MMADHC: variants seen among roughly 807,000 people sequenced by gnomAD.
MMADHC encodes metabolism of cobalamin associated D.
MMADHC carries 23 observed loss-of-function variants against 36.3 expected under a neutral mutation model. The ratio of observed to expected loss-of-function variants is 0.63; its 90% CI spans 0.46 to 0.90. MMADHC has a LOEUF of 0.90. Among genes scored for constraint, MMADHC ranks in the 40% least tolerant of loss-of-function variants. The pLI, the probability that MMADHC is intolerant of heterozygous loss-of-function variation, is 0.00. For missense variants in MMADHC, 330 were observed against 348.0 expected (o/e 0.95, Z 0.41); for synonymous variants, 97 against 116.1 (o/e 0.84, Z 1.06).
intron 4 of MMADHC, among the ~76,000 whole-genome samples, chr2:149,579,226 TA>T (rs1682759188): frequency 6.6e-6 from 1 of 152,108 alleles, no homozygotes; most frequent in African/African-American, 2.4e-5. Context: ...AAAAATATTA[TA>T]ATCTACAGTA....
rs1479666325 is a variant in MMADHC at position 149,586,998 on chromosome 2, A to G, written c.9+91T>C. The G allele has an allele frequency of 2.9e-5, 37 of 1,275,080 alleles. No individual in the cohort carries two copies. The East Asian group carries it at 8.1e-4, about 28-fold the overall frequency. The allele number at this position is 1,275,080 out of a possible 1,614,324, so 79.0% of individuals were successfully genotyped here. ...GATACATTATATCTAACACTATACCACCCAATGCCATCATAATTAAACCCG... is the reference window on the plus strand; with the variant it reads ...GATACATTATATCTAACACTATACCGCCCAATGCCATCATAATTAAACCCG... On this transcript the variant is annotated intron_variant, in intron 2 of 7. Coordinates refer to ENST00000303319, the MANE Select transcript of MMADHC (RefSeq NM_015702.3).
Position 149,579,632 on chromosome 2 carries a change from C to T in MMADHC, c.171G>A (p.Trp57Ter), listed in dbSNP as rs1682767587. The change falls in exon 4 of 8, where the codon TGG becomes TGA. Residue 57 changes from tryptophan (W) to a stop codon, truncating the protein, a stop_gained. Coordinates refer to ENST00000303319, the MANE Select transcript of MMADHC (RefSeq NM_015702.3). LOFTEE classifies it high-confidence loss of function. ...CAAAGGGTCCCATAGTTTCATCAGG[C>T]CACACTGTTCGAGAGCCTGAAGAGA... ...APPDICSRTV[W>*]PDETMGPFGP... is the part of the protein sequence containing the mutation. 1.2e-6 allele frequency: 2 copies of T among 1,613,704 alleles called. No individual in the cohort carries two copies. The highest frequency in any genetic ancestry group is 1.7e-6 in the Non-Finnish European group (2 of 1,179,900).
At chr2:149,573,555 C>G (rs1682674112) in intron 6 of MMADHC, among the ~76,000 whole-genome samples, 1 of 152,096 alleles carries the variant, frequency 6.6e-6, no homozygotes. Context: ...TATAATTTGT[C>G]TTTTAACACC....
chr2:149,584,933 C>T (rs1446645432), intron 2 of MMADHC, among the ~76,000 whole-genome samples: 1 of 151,476 alleles, frequency 6.6e-6, no homozygotes, highest in East Asian at 1.9e-4. Flanking sequence ...ATCCCAGCTA[C>T]TTAGGAGGCT....
chr2:149,572,029 C>T (rs1016072164), intron 6 of MMADHC, among the ~76,000 whole-genome samples: 7 of 152,044 alleles, frequency 4.6e-5, no homozygotes, highest in Non-Finnish European at 7.4e-5. Context: ...ATACTCTTCT[C>T]TGTTTTTTGT....
Position 149,569,742 on chromosome 2 carries a change from GC to G in MMADHC, c.*231del, listed in dbSNP as rs1341781661. On this transcript the variant is annotated 3_prime_UTR_variant, in exon 8 of 8. Transcript: ENST00000303319. ...ATAGCAGATCATACCCTGGTTACAA[GC>G]TAATTACCACATCCTATACAATGTG... 2.5e-6 allele frequency: 1 copy of G among 406,050 alleles called. No homozygotes were observed. The highest frequency in any genetic ancestry group is 2.0e-5 in the African/African-American group (1 of 49,320). 25.2% of individuals were successfully genotyped at this position (406,050 alleles called of 1,614,324 possible). A position where few individuals can be genotyped will look rare whatever the true frequency, so the allele number is the denominator to read the frequency against.
At chr2:149,586,807 T>C in intron 2 of MMADHC, 1 of 455,140 alleles carries the variant, frequency 2.2e-6, no homozygotes, top group African/African-American at 2.0e-5. Context: ...AAACATAGAT[T>C]CTAATATTTA....
At chr2:149,581,343 T>C (rs1682790929) in intron 3 of MMADHC, among the ~76,000 whole-genome samples, 1 of 152,146 alleles carries the variant, frequency 6.6e-6, no homozygotes, top group Non-Finnish European at 1.5e-5. Context: ...TGGGGAGTAG[T>C]CAGAGAGTTA....
At chr2:149,572,221 C>T (rs1396689168) in intron 6 of MMADHC, 1 of 426,884 alleles carries the variant, frequency 2.3e-6, no homozygotes, top group Admixed American at 2.7e-5. Flanking sequence ...AACAAGGGCA[C>T]ATAGCTACTC....
In MMADHC at chr2:149,570,161, C is replaced by T; in HGVS notation, c.704G>A (p.Gly235Glu). ...AAAAAGAGTGTTGTTTGTATATGGT[C>T]CAAAAAACTGAGGAAATAAAAACGA... ...IDPSSGLAFFGPYTNNTLFET... is the reference protein window; with the variant it reads ...IDPSSGLAFFEPYTNNTLFET... Residue 235 changes from glycine to glutamate, a missense_variant, in exon 8 of 8, where the codon GGA becomes GAA. By Grantham distance (98) the Gly-to-Glu change is moderately conservative (BLOSUM62 -2). Coordinates refer to ENST00000303319, the MANE Select transcript of MMADHC (RefSeq NM_015702.3). 1 of 1,612,586 alleles carries T rather than the reference C, an allele frequency of 6.2e-7. No individual in the cohort carries two copies. Among genetic ancestry groups the T allele is most frequent in the Non-Finnish European group, 8.5e-7 (1 of 1,179,228 alleles).
chr2:149,579,545 C>G lies in MMADHC; in HGVS notation c.258G>C (p.Gly86=). The G allele has an allele frequency of 6.2e-7, 1 of 1,613,834 alleles. No individual in the cohort carries two copies. Among genetic ancestry groups the G allele is most frequent in the Non-Finnish European group, 8.5e-7 (1 of 1,179,948 alleles). The change falls in exon 4 of 8, where the codon GGG becomes GGC. Residue 86 remains glycine, a synonymous_variant. Transcript: ENST00000303319. ...GNIGFDCHLN[G]TASQKKSLVH... ...CCAGGCTTTTCTTCTGTGAAGCAGT[C>G]CCATTGAGGTGACAATCAAAACCTA...
intron 2 of MMADHC, among the ~76,000 whole-genome samples, chr2:149,585,110 G>A (rs763561546): frequency 2.0e-5 from 3 of 151,862 alleles, no homozygotes; most frequent in Non-Finnish European, 4.4e-5. Context: ...TGTGGAAGTG[G>A]AATATTTTCT....
intron 2 of MMADHC, among the ~76,000 whole-genome samples, chr2:149,584,446 A>C (rs1292310958): frequency 6.6e-6 from 1 of 152,212 alleles, no homozygotes; most frequent in Non-Finnish European, 1.5e-5. Context: ...GCGATCATTC[A>C]CATCGTTTCA....
intron 2 of MMADHC, among the ~76,000 whole-genome samples, chr2:149,585,428 G>A (rs1682853159): frequency 6.6e-6 from 1 of 152,210 alleles, no homozygotes; most frequent in Admixed American, 6.5e-5. Context: ...AGTTTATGTA[G>A]TGCATCCACA....
At chr2:149,583,041 C>T (rs748386509) in intron 2 of MMADHC, among the ~76,000 whole-genome samples, 13 of 152,082 alleles carry the variant, frequency 8.5e-5, no homozygotes, top group Non-Finnish European at 1.3e-4. Flanking sequence ...CACTTTCCCA[C>T]GACAATGGCA....
Position 149,575,705 on chromosome 2 carries a change from A to T in MMADHC, c.609+6T>A. 1 of 1,587,952 alleles carries T rather than the reference A, an allele frequency of 6.3e-7. No individual in the cohort carries two copies. The highest frequency in any genetic ancestry group is 8.6e-7 in the Non-Finnish European group (1 of 1,165,446). On this transcript the variant is annotated splice_donor_region_variant and intron_variant, in intron 6 of 7. Transcript: ENST00000303319. ...AAATTAAATTATTAGCAATTGAAAG[A>T]ATTACCTTTTCTAAGAGCACTTCTC...
rs1682767125 is a variant in MMADHC, at chr2:149,579,604, G to T, written c.199C>A (p.Pro67Thr). The T allele has an allele frequency of 5.0e-6, 8 of 1,613,946 alleles. No homozygotes were observed. Among genetic ancestry groups the T allele is most frequent in the Non-Finnish European group, 6.8e-6 (8 of 1,179,938 alleles). ...GGAAGCTGGAACCTCTGATCTTGAG[G>T]TCCAAAGGGTCCCATAGTTTCATCA... ...WPDETMGPFG[P>T]QDQRFQLPGN... Residue 67 changes from proline (P) to threonine (T), a missense_variant, in exon 4 of 8, where the codon CCT becomes ACT. Coordinates refer to ENST00000303319, the MANE Select transcript of MMADHC (RefSeq NM_015702.3).
chr2:149,586,237 G>A (rs1170180093), intron 2 of MMADHC, among the ~76,000 whole-genome samples: 1 of 152,126 alleles, frequency 6.6e-6, no homozygotes, highest in Non-Finnish European at 1.5e-5. Context: ...TACTGAGTTC[G>A]GCATTCAAGG....
intron 2 of MMADHC, among the ~76,000 whole-genome samples, chr2:149,585,790 AAATT>A (rs1450246951): frequency 6.6e-6 from 1 of 152,246 alleles, no homozygotes; most frequent in African/African-American, 2.4e-5. Context: ...CAATCCATAT[AAATT>A]AACACAAAAA....
Sources: gnomAD v4.1 joint callset for allele counts (sites outside exome capture counted in the v4.1 genomes callset) on GRCh38, gnomAD v4.1.1 for gene constraint, MANE v1.5 for transcripts, NCBI Gene and HGNC (gene_info 2026-07-23, HGNC 2026-07-21) for gene names.